HDAC9: variants seen among roughly 807,000 people sequenced by gnomAD.
The protein encoded by HDAC9 is MEF-2 interacting transcription repressor (MITR) protein.
A neutral mutation model predicts 139.4 loss-of-function variants in HDAC9; 41 were observed. The observed-to-expected ratio is 0.29, with a 90% CI of 0.23 to 0.38. The LOEUF (loss-of-function observed/expected upper bound fraction) is 0.38, where lower values mean the gene tolerates loss of function less well. Among genes scored for constraint, HDAC9 ranks in the 10% least tolerant of loss-of-function variants. The pLI is 1.00. For synonymous variants in HDAC9, 517 were observed against 476.2 expected, an observed-to-expected ratio of 1.09 and a Z score of -1.12; for missense variants, 1,147 against 1,297.0, an observed-to-expected ratio of 0.88 and a Z score of 1.78.
chr7:18,655,317 G>A (rs191467079), intron 11 of HDAC9, among the ~76,000 whole-genome samples: 6 of 152,162 alleles, frequency 3.9e-5, no homozygotes, highest in Non-Finnish European at 7.4e-5. Flanking sequence ...ACTTTAGCAA[G>A]CATTGAAAGG....
intron 22 of HDAC9, among the ~76,000 whole-genome samples, chr7:18,896,075 C>A (rs1017381179): frequency 2.0e-5 from 3 of 151,990 alleles, no homozygotes; most frequent in African/African-American, 7.2e-5. Flanking sequence ...GATACTTTTC[C>A]TAATGTACAT....
chr7:18,465,483 T>C (rs1794194729), intron 1 of HDAC9, among the ~76,000 whole-genome samples: 1 of 152,142 alleles, frequency 6.6e-6, no homozygotes, highest in Non-Finnish European at 1.5e-5. Context: ...GGGTGGGGTT[T>C]GTGAATTTTG....
chr7:18,828,159 T>G (rs906411837), intron 17 of HDAC9, among the ~76,000 whole-genome samples: 3 of 152,210 alleles, frequency 2.0e-5, no homozygotes, highest in African/African-American at 7.2e-5. Context: ...AATAGATTAG[T>G]TTTCTCAATA....
intron 23 of HDAC9, among the ~76,000 whole-genome samples, chr7:18,941,378 C>T (rs1455443238): frequency 1.3e-5 from 2 of 152,096 alleles, no homozygotes; most frequent in East Asian, 3.9e-4. Context: ...TTAAAGATGA[C>T]GTTTTGCTCT....
Position 18,138,141 on chromosome 7 carries a change from C to G in HDAC9, c.-96-24088C>G, listed in dbSNP as rs528574065. The stretch of plus-strand genomic sequence containing the variant: ...ATGGTAGTTTGTATTTCTGTGGGAT[C>G]GGTGATGATATCCCCTTTATCATTT... On this transcript the variant is annotated intron_variant, in intron 1 of 12. Transcript: ENST00000417496. 1.1e-4 allele frequency among the ~76,000 whole-genome samples: 17 copies of G among 152,248 alleles called. 1 individual carries two copies. The South Asian group carries it at 3.3e-3, about 30-fold the overall frequency.
chr7:18,691,238 A>C lies in HDAC9; in HGVS notation c.1731+24762A>C, dbSNP rs10251026. ...TGCACTCAAGTTTATGTTCTGCATA[A>C]GAGGGTTACCTGCTACTTCCTAACA... On this transcript the variant is annotated intron_variant, in intron 12 of 25. Coordinates refer to ENST00000686413, the MANE Select transcript of HDAC9 (RefSeq NM_178425.4). 9.4e-3 allele frequency among the ~76,000 whole-genome samples: 1,429 copies of C among 152,134 alleles called. 28 individuals carry two copies. Among genetic ancestry groups the C allele is most frequent in the African/African-American group, 0.033 (1,375 of 41,544 alleles).
intron 2 of HDAC9, among the ~76,000 whole-genome samples, chr7:18,552,254 A>T (rs1028058980): frequency 1.3e-5 from 2 of 152,200 alleles, no homozygotes; most frequent in Non-Finnish European, 2.9e-5. Context: ...GCAAATTATG[A>T]TCTTGAAAAA....
At chr7:18,869,642 G>A (rs914021721) in intron 21 of HDAC9, among the ~76,000 whole-genome samples, 16 of 152,150 alleles carry the variant, frequency 1.1e-4, no homozygotes, top group African/African-American at 2.4e-4. Flanking sequence ...GGTAGATAGC[G>A]CTGAAACTGA....
chr7:18,436,966 G>A (rs893295082), intron 1 of HDAC9, among the ~76,000 whole-genome samples: 4 of 152,112 alleles, frequency 2.6e-5, no homozygotes, highest in Non-Finnish European at 5.9e-5. Context: ...TAGGATGAAG[G>A]TCATGTAAAG....
intron 1 of HDAC9, among the ~76,000 whole-genome samples, chr7:18,133,523 T>C (rs1321790496): frequency 6.6e-6 from 1 of 152,194 alleles, no homozygotes; most frequent in Non-Finnish European, 1.5e-5. Context: ...GTGTGATGTC[T>C]GTTTTTCCTG....
intron 2 of HDAC9, among the ~76,000 whole-genome samples, chr7:18,163,793 G>C (rs1156237353): frequency 1.3e-5 from 2 of 152,116 alleles, no homozygotes; most frequent in Non-Finnish European, 2.9e-5. Context: ...TATAAATTCA[G>C]TGTTTCAAAA....
At chr7:18,518,835 A>G (rs2128209018) in intron 2 of HDAC9, among the ~76,000 whole-genome samples, 1 of 152,348 alleles carries the variant, frequency 6.6e-6, no homozygotes, top group South Asian at 2.1e-4. Context: ...AAAACATTAA[A>G]GTGTTTTTGA....
chr7:18,484,209 G>C (rs1056158687), intron 1 of HDAC9, among the ~76,000 whole-genome samples: 38 of 151,332 alleles, frequency 2.5e-4, no homozygotes, highest in African/African-American at 9.2e-4. Flanking sequence ...GCCAGTCATG[G>C]TGGTGTGTGC....
rs887427649 is a variant in HDAC9, at chr7:19,002,273, A to G, written c.*6211A>G. On this transcript the variant is annotated 3_prime_UTR_variant, in exon 26 of 26. Coordinates refer to ENST00000686413, the MANE Select transcript of HDAC9 (RefSeq NM_178425.4). ...TTCCTTTTTTGTATTTGAAAATGCA[A>G]TGGTGTGTTCCAAATTATTGTTGGT... 14 of 152,118 alleles carry G rather than the reference A, an allele frequency of 9.2e-5. No individual in the cohort carries two copies. Among genetic ancestry groups the G allele is most frequent in the African/African-American group, 2.9e-4 (12 of 41,452 alleles). The allele number at this position is 152,118 out of a possible 1,614,324, so 9.4% of individuals were successfully genotyped here.
intron 13 of HDAC9, among the ~76,000 whole-genome samples, chr7:18,738,454 G>C (rs1787131773): frequency 6.6e-6 from 1 of 152,040 alleles, no homozygotes; most frequent in Non-Finnish European, 1.5e-5. Context: ...AGGCAGGCCT[G>C]GTATTGACAA....
intron 21 of HDAC9, among the ~76,000 whole-genome samples, chr7:18,868,585 GT>G (rs1386735723): frequency 6.6e-6 from 1 of 152,046 alleles, no homozygotes; most frequent in African/African-American, 2.4e-5. Context: ...ACATACATTA[GT>G]TTTTTTCTAC....
At chr7:18,226,582 T>G (rs1466952027) in intron 2 of HDAC9, among the ~76,000 whole-genome samples, 1 of 152,100 alleles carries the variant, frequency 6.6e-6, no homozygotes, top group African/African-American at 2.4e-5. Flanking sequence ...TAATGATGTG[T>G]GTAAGACAGA....
intron 2 of HDAC9, 125 bp downstream of exon 2, chr7:18,496,449 T>C (rs1348895971): frequency 2.5e-6 from 2 of 787,864 alleles, no homozygotes; most frequent in African/African-American, 1.7e-5. Context: ...TGCTATTTTC[T>C]TGGTGCGTCT....
In HDAC9 at chr7:18,177,597, T is replaced by A. The variant is rs149329020; in HGVS notation, c.25+15248T>A. ...TTACTTATCTTCAACACCCAGCTCC[T>A]ACTCCATTCTTCTGTGAGGCCTTCC... On this transcript the variant is annotated intron_variant, in intron 2 of 12. Coordinates refer to the HDAC9 transcript ENST00000417496. Among the ~76,000 whole-genome samples, 91 of 152,288 alleles carry A rather than the reference T, an allele frequency of 6.0e-4. No homozygotes were observed. The East Asian group carries it at 0.017, about 28-fold the overall frequency.
Sources: gnomAD v4.1 joint callset for allele counts (sites outside exome capture counted in the v4.1 genomes callset) on GRCh38, gnomAD v4.1.1 for gene constraint, MANE v1.5 for transcripts, NCBI Gene and HGNC (gene_info 2026-07-23, HGNC 2026-07-21) for gene names.